TRIM55: variants seen among roughly 807,000 people sequenced by gnomAD.
TRIM55 encodes the protein tripartite motif-containing protein 55.
In TRIM55, 50 loss-of-function variants were observed where a neutral mutation model predicts 60.9. That is an observed-to-expected ratio of 0.82 (90% CI 0.65 to 1.04). The LOEUF is 1.04. Ranked by LOEUF, TRIM55 falls within the 50% of genes least tolerant of loss-of-function variation. The pLI is 0.00. For synonymous variants in TRIM55, 237 were observed against 238.1 expected, an observed-to-expected ratio of 1.00 and a Z score of 0.04; for missense variants, 681 against 666.9, an observed-to-expected ratio of 1.02 and a Z score of -0.23.
At chr8:66,133,917 A>G (rs1000614834) in intron 2 of TRIM55, among the ~76,000 whole-genome samples, 1 of 152,172 alleles carries the variant, frequency 6.6e-6, no homozygotes, top group Non-Finnish European at 1.5e-5. Flanking sequence ...ACACATATGT[A>G]TATACACACA....
the TRIM55 span, chr8:66,113,400 G>A: frequency 1.9e-5 from 8 of 417,400 alleles, no homozygotes; most frequent in African/African-American, 1.2e-4. Context: ...GCGGAGGACT[G>A]TAGCTACTTC....
chr8:66,162,282 G>A (rs1811096871), intron 9 of TRIM55, among the ~76,000 whole-genome samples: 1 of 152,088 alleles, frequency 6.6e-6, no homozygotes, highest in Non-Finnish European at 1.5e-5. Flanking sequence ...ATGATCATGT[G>A]ATTTTTGTTT....
rs1808856230 is a variant in TRIM55, at chr8:66,127,212, T to C, written c.-57T>C. The C allele has an allele frequency of 2.6e-6, 4 of 1,537,186 alleles. No homozygotes were observed. Among genetic ancestry groups the C allele is most frequent in the Non-Finnish European group, 3.5e-6 (4 of 1,126,906 alleles). On this transcript the variant is annotated 5_prime_UTR_variant, in exon 1 of 10. Transcript: ENST00000315962. ...CCCTGGAATAATATCCAGGAAACAC[T>C]TGCTGGAGCCACTCGCAGCACCCTT...
chr8:66,140,787 G>C (rs138647633), intron 4 of TRIM55, among the ~76,000 whole-genome samples: 3 of 152,212 alleles, frequency 2.0e-5, no homozygotes, highest in Non-Finnish European at 4.4e-5. Flanking sequence ...GGTTCTGCCC[G>C]GGGTTCGTTT....
At chr8:66,165,539 T>G (rs1269497555) in intron 9 of TRIM55, among the ~76,000 whole-genome samples, 1 of 152,188 alleles carries the variant, frequency 6.6e-6, no homozygotes, top group Non-Finnish European at 1.5e-5. Flanking sequence ...GAATGAAAAT[T>G]TAACTCTGTT....
At chr8:66,134,886 A>T in intron 2 of TRIM55, 104 bp from the exon 3 acceptor site, 1 of 1,238,050 alleles carries the variant, frequency 8.1e-7, no homozygotes, top group Non-Finnish European at 1.1e-6. Flanking sequence ...TGCTGGGCAT[A>T]CAGGGAAGAG....
the TRIM55 span, among the ~76,000 whole-genome samples, chr8:66,113,848 TG>T: frequency 6.6e-6 from 1 of 151,486 alleles, no homozygotes. Flanking sequence ...CGTGAGGAGG[TG>T]GGGGGTCCGC....
the TRIM55 span, among the ~76,000 whole-genome samples, chr8:66,120,452 A>G: frequency 0.01 from 1,575 of 152,304 alleles, 31 homozygotes; most frequent in African/African-American, 0.036. Context: ...AAGACCAACC[A>G]TGAGATGAGA....
chr8:66,144,247 G>C (rs559661373), intron 4 of TRIM55, among the ~76,000 whole-genome samples: 1 of 152,110 alleles, frequency 6.6e-6, no homozygotes, highest in Non-Finnish European at 1.5e-5. Context: ...GCATTGGTTA[G>C]AAACAAATAT....
upstream of TRIM55, chr8:66,126,761 C>T (rs144024590): frequency 1.3e-5 from 2 of 152,420 alleles, no homozygotes; most frequent in African/African-American, 4.8e-5. Context: ...TCAATTCCTA[C>T]ACTCTCAAGA....
upstream of TRIM55, among the ~76,000 whole-genome samples, chr8:66,122,497 C>T (rs559247417): frequency 2.0e-5 from 3 of 152,234 alleles, no homozygotes; most frequent in East Asian, 1.9e-4. Flanking sequence ...GGGCACACGT[C>T]GTTAGAACCT....
upstream of TRIM55, among the ~76,000 whole-genome samples, chr8:66,122,525 G>A (rs1389387177): frequency 6.6e-6 from 1 of 152,094 alleles, no homozygotes; most frequent in African/African-American, 2.4e-5. Flanking sequence ...CCGTGTCACA[G>A]GCATGCATCC....
the TRIM55 span, chr8:66,115,128 C>A: frequency 6.5e-6 from 1 of 153,536 alleles, no homozygotes; most frequent in Non-Finnish European, 1.5e-5. Context: ...TAACACAAAT[C>A]TTCCACACAA....
At chr8:66,127,048 T>C (rs1334503470), upstream of TRIM55, 2 of 435,546 alleles carry the variant, frequency 4.6e-6, no homozygotes, top group African/African-American at 2.0e-5. Flanking sequence ...CATCCTCCTG[T>C]CACTGGCTTA....
upstream of TRIM55, among the ~76,000 whole-genome samples, chr8:66,122,717 A>G (rs1007191117): frequency 3.9e-5 from 6 of 152,314 alleles, no homozygotes; most frequent in Middle Eastern, 3.4e-3. Context: ...GGAAGATCAC[A>G]CATGACTCCT....
intron 2 of TRIM55, 26 bp downstream of exon 2, chr8:66,128,502 G>A (rs1321848064): frequency 1.3e-6 from 2 of 1,597,660 alleles, no homozygotes; most frequent in African/African-American, 2.7e-5. Context: ...TCTTCCATGT[G>A]TCAAGCCCAT....
At chr8:66,167,970 G>A (rs1360886524) in intron 9 of TRIM55, among the ~76,000 whole-genome samples, 1 of 151,962 alleles carries the variant, frequency 6.6e-6, no homozygotes, top group African/African-American at 2.4e-5. Flanking sequence ...GGCTGGCCTC[G>A]AACTCCTGAC....
intron 4 of TRIM55, among the ~76,000 whole-genome samples, chr8:66,140,077 C>T (rs909377191): frequency 6.6e-6 from 1 of 152,158 alleles, no homozygotes; most frequent in East Asian, 1.9e-4. Flanking sequence ...GTCCTAGGAG[C>T]AATAGATTGT....
chr8:66,113,502 A>T, the TRIM55 span: 1 of 456,046 alleles, frequency 2.2e-6, no homozygotes. Flanking sequence ...GACTTATGGC[A>T]CTTTCCTTGG....
Sources: allele counts gnomAD v4.1 joint callset (sites outside exome capture counted in the v4.1 genomes callset), GRCh38; gene constraint gnomAD v4.1.1; transcripts MANE v1.5; gene names NCBI Gene and HGNC (gene_info 2026-07-23, HGNC 2026-07-21).